Variants in MPDZ observed in about 807,000 individuals in gnomAD.
MPDZ encodes multiple PDZ domain protein.
MPDZ carries 234 observed loss-of-function variants against 239.1 expected under a neutral mutation model. The observed-to-expected ratio is 0.98, with a 90% CI of 0.88 to 1.09. The LOEUF (loss-of-function observed/expected upper bound fraction) is 1.09, where lower values mean the gene tolerates loss of function less well. Among genes scored for constraint, MPDZ ranks in the 50% least tolerant of loss-of-function variants. The pLI, the probability that MPDZ is intolerant of heterozygous loss-of-function variation, is 0.00. For synonymous variants in MPDZ, 1,048 were observed against 881.3 expected (o/e 1.19, Z -3.35); for missense variants, 3,175 against 2,510.0 (o/e 1.26, Z -5.66).
intron 1 of MPDZ, chr9:13,279,161 A>C (rs943270399): frequency 6.7e-6 from 1 of 150,272 alleles, no homozygotes; most frequent in Non-Finnish European, 1.5e-5. Flanking sequence ...CCTTTTAAAA[A>C]AGCCACAGCA....
Position 13,112,074 on chromosome 9 carries a change from T to A in MPDZ, c.5674A>T (p.Ile1892Phe). Reference protein sequence around the residue: ...GSPLGDVPIFIAMMHPTGVAA... With the variant: ...GSPLGDVPIFFAMMHPTGVAA... ...ACTCCAGTTGGGTGCATCATTGCAA[T>A]AAATATAGGCACATCACCAAGTGGG... The change falls in exon 43 of 47, where the codon ATT becomes TTT. Residue 1892 changes from isoleucine (I) to phenylalanine (F), a missense_variant. Ile to Phe is a conservative substitution (Grantham distance 21). Coordinates refer to ENST00000319217, the MANE Select transcript of MPDZ (RefSeq NM_001378778.1). 1 of 1,613,724 alleles carries A rather than the reference T, an allele frequency of 6.2e-7. No individual in the cohort carries two copies. The highest frequency in any genetic ancestry group is 2.2e-5 in the East Asian group (1 of 44,860).
chr9:13,263,558 A>G (rs183180768), intron 1 of MPDZ, among the ~76,000 whole-genome samples: 363 of 152,340 alleles, frequency 2.4e-3, no homozygotes, highest in African/African-American at 7.4e-3. Context: ...TCTTCAAAAT[A>G]TATCTCATAA....
Position 13,219,586 on chromosome 9 carries a change from T to C in MPDZ, c.1059A>G (p.Ser353=). ...GCAACTCTGGTGTTGAAGTTGGGGA[T>C]GAGGAGAGGGTGATGCCCAAAGCAG... ...APTALGITLS[S]SPTSTPELRV... Residue 353 remains serine (S), a synonymous_variant, in exon 8 of 47, where the codon TCA becomes TCG. Coordinates refer to ENST00000319217, the MANE Select transcript of MPDZ (RefSeq NM_001378778.1). 1.2e-6 allele frequency: 2 copies of C among 1,612,128 alleles called. No individual in the cohort carries two copies. The highest frequency in any genetic ancestry group is 1.7e-6 in the Non-Finnish European group (2 of 1,178,922).
At position 13,150,468 on chromosome 9, in the gene MPDZ, C is replaced by G. The variant is rs536134413; in HGVS notation, c.3630+43G>C. 4.9e-5 allele frequency: 69 copies of G among 1,395,370 alleles called. No individual in the cohort carries two copies. In the South Asian group the frequency reaches 1.1e-3, roughly 21 times the overall value. The allele number at this position is 1,395,370 out of a possible 1,614,324, so 86.4% of individuals were successfully genotyped here. ...AAAATTAAAAAATAAATAAATAAAA[C>G]AAAACAAACAAATTTTAGCACAGAA... On this transcript the variant is annotated intron_variant, in intron 25 of 46. Coordinates refer to ENST00000319217, the MANE Select transcript of MPDZ (RefSeq NM_001378778.1).
chr9:13,276,100 C>T (rs1974123689), intron 1 of MPDZ, among the ~76,000 whole-genome samples: 1 of 152,266 alleles, frequency 6.6e-6, no homozygotes, highest in East Asian at 1.9e-4. Context: ...TTAGATTCCT[C>T]CAACTAAGAC....
chr9:13,162,357 TA>T (rs1272038122), intron 23 of MPDZ, among the ~76,000 whole-genome samples: 1 of 150,864 alleles, frequency 6.6e-6, no homozygotes, highest in African/African-American at 2.4e-5. Context: ...ATTAAAAGAG[TA>T]AAAAAATCAT....
chr9:13,211,495 T>A (rs1271194621), intron 10 of MPDZ, among the ~76,000 whole-genome samples: 1 of 152,144 alleles, frequency 6.6e-6, no homozygotes, highest in Non-Finnish European at 1.5e-5. Flanking sequence ...TGAGTTTAAT[T>A]GGATTTAAAA....
At chr9:13,215,530 TAAG>T (rs1958195191) in intron 10 of MPDZ, among the ~76,000 whole-genome samples, 2 of 151,300 alleles carry the variant, frequency 1.3e-5, no homozygotes. Context: ...TTGCTATGAA[TAAG>T]GACTCCTCTA....
chr9:13,230,349 C>T (rs1408355926), intron 3 of MPDZ, among the ~76,000 whole-genome samples: 1 of 152,146 alleles, frequency 6.6e-6, no homozygotes, highest in Admixed American at 6.6e-5. Flanking sequence ...AAAATCCATA[C>T]ACAATCGCTC....
chr9:13,166,210 T>C (rs1379597440), intron 22 of MPDZ, among the ~76,000 whole-genome samples: 1 of 152,126 alleles, frequency 6.6e-6, no homozygotes, highest in Non-Finnish European at 1.5e-5. Flanking sequence ...ATGGTTCTAT[T>C]CAGAGTAATG....
intron 24 of MPDZ, among the ~76,000 whole-genome samples, chr9:13,156,070 T>A (rs994528671): frequency 6.6e-6 from 1 of 152,186 alleles, no homozygotes; most frequent in African/African-American, 2.4e-5. Context: ...TTTGCTTAGG[T>A]ACCAGTGACA....
At chr9:13,165,451 G>A in intron 22 of MPDZ, 2 of 1,545,978 alleles carry the variant, frequency 1.3e-6, no homozygotes, top group South Asian at 1.2e-5. Context: ...TTACAATGGT[G>A]TTAACAAATG....
At chr9:13,248,563 T>A (rs1318499491) in intron 2 of MPDZ, among the ~76,000 whole-genome samples, 2 of 152,084 alleles carry the variant, frequency 1.3e-5, no homozygotes, top group Non-Finnish European at 2.9e-5. Flanking sequence ...CACTCTTATA[T>A]GTGAAGCCAA....
chr9:13,111,922 A>T, intron 43 of MPDZ, 102 bp downstream of exon 43: 1 of 1,153,488 alleles, frequency 8.7e-7, no homozygotes, highest in Non-Finnish European at 1.2e-6. Flanking sequence ...AAGTAAATAT[A>T]GATATTTAAA....
At chr9:13,220,243 T>C (rs1201415281) in intron 7 of MPDZ, among the ~76,000 whole-genome samples, 1 of 151,984 alleles carries the variant, frequency 6.6e-6, no homozygotes, top group African/African-American at 2.4e-5. Flanking sequence ...AGAACTCATG[T>C]GCAGGTGAAA....
At chr9:13,232,440 A>T (rs10960974) in intron 3 of MPDZ, among the ~76,000 whole-genome samples, 9,248 of 152,192 alleles carry the variant, frequency 0.061, 465 homozygotes, top group African/African-American at 0.12. Flanking sequence ...TGATCTCTTC[A>T]ATAAATGGTT....
Position 13,150,564 on chromosome 9 carries a change from C to G in MPDZ, c.3577G>C (p.Asp1193His), listed in dbSNP as rs1371079620. Residue 1193 changes from aspartate to histidine, a missense_variant, in exon 25 of 47, where the codon GAT becomes CAT. Physicochemically the swap from Asp to His is moderately conservative, Grantham distance 81. Coordinates refer to ENST00000319217, the MANE Select transcript of MPDZ (RefSeq NM_001378778.1). ...RGIFIKHVLE[D>H]SPAGKNGTLK... is the part of the protein sequence containing the mutation. ...GTTCCATTTTTGCCAGCTGGACTAT[C>G]TTCCAGAACATGTTTGATGAAAATG... 6.4e-6 allele frequency: 10 copies of G among 1,572,806 alleles called. No individual in the cohort carries two copies. Among genetic ancestry groups the G allele is most frequent in the Middle Eastern group, 1.7e-4 (1 of 5,934 alleles).
At chr9:13,109,876 G>T in intron 45 of MPDZ, 76 bp downstream of exon 45, 2 of 1,131,892 alleles carry the variant, frequency 1.8e-6, no homozygotes, top group Non-Finnish European at 1.3e-6. Context: ...AGAAACATGG[G>T]ACAGAGAACG....
chr9:13,185,226 A>G (rs1463104318), intron 18 of MPDZ, among the ~76,000 whole-genome samples: 2 of 152,070 alleles, frequency 1.3e-5, no homozygotes, highest in Non-Finnish European at 2.9e-5. Flanking sequence ...TGCATTTATT[A>G]TAACATATAC....
Sources: gnomAD v4.1 joint callset for allele counts (sites outside exome capture counted in the v4.1 genomes callset) on GRCh38, gnomAD v4.1.1 for gene constraint, MANE v1.5 for transcripts, NCBI Gene and HGNC (gene_info 2026-07-23, HGNC 2026-07-21) for gene names.